The following CAB39 variants were observed in gnomAD, a reference collection of about 807,000 sequenced individuals.
CAB39 encodes calcium binding protein 39, also known as calcium-binding protein 39.
Under a neutral mutation model 40.0 loss-of-function variants are expected in CAB39, and 8 were observed. That is an observed-to-expected ratio of 0.20 (90% CI 0.12 to 0.36). The LOEUF is 0.36. CAB39 is among the 10% of genes least tolerant of loss of function. The pLI, the probability that CAB39 is intolerant of heterozygous loss-of-function variation, is 1.00. For missense variants in CAB39, 270 were observed against 401.1 expected (o/e 0.67, Z 2.79); for synonymous variants, 156 against 141.6 (o/e 1.10, Z -0.72).
At chr2:230,818,479 C>T (rs1696444151) in intron 8 of CAB39, 37 bp from the exon 9 acceptor site, 1 of 1,586,140 alleles carries the variant, frequency 6.3e-7, no homozygotes, top group African/African-American at 1.3e-5. Flanking sequence ...GCGTTTTGTC[C>T]TTTCTCTGTG....
Position 230,818,764 on chromosome 2 carries a change from C to T in CAB39, c.*60C>T. 1.5e-6 allele frequency: 2 copies of T among 1,302,140 alleles called. No individual in the cohort carries two copies. The highest frequency in any genetic ancestry group is 2.2e-6 in the Non-Finnish European group (2 of 914,060). The allele number at this position is 1,302,140 out of a possible 1,614,324, so 80.7% of individuals were successfully genotyped here. The stretch of plus-strand genomic sequence containing the variant: ...GCATTTGCTGTTAGCTATTCAGCAT[C>T]AGGCACTCTTATTGATTCATGAGGA... On this transcript the variant is annotated 3_prime_UTR_variant, in exon 9 of 9. Coordinates refer to ENST00000258418, the MANE Select transcript of CAB39 (RefSeq NM_016289.4).
chr2:230,810,156 G>T, intron 5 of CAB39, 107 bp from the exon 6 acceptor site: 1 of 586,542 alleles, frequency 1.7e-6, no homozygotes, highest in Non-Finnish European at 3.1e-6. Flanking sequence ...GTTAAGTATG[G>T]TGATTTTTAA....
chr2:230,813,924 C>G, intron 6 of CAB39, 125 bp from the exon 7 acceptor site: 1 of 549,362 alleles, frequency 1.8e-6, no homozygotes, highest in Non-Finnish European at 3.1e-6. Flanking sequence ...AGCTGTTGGC[C>G]TTCATGGTGT....
chr2:230,757,061 T>C (rs971998523), intron 1 of CAB39, among the ~76,000 whole-genome samples: 1 of 152,232 alleles, frequency 6.6e-6, no homozygotes, highest in Admixed American at 6.5e-5. Context: ...TGGATCCTAC[T>C]GAGGAATGTC....
At chr2:230,777,915 T>C (rs1041516339) in intron 2 of CAB39, among the ~76,000 whole-genome samples, 1 of 152,220 alleles carries the variant, frequency 6.6e-6, no homozygotes, top group African/African-American at 2.4e-5. Context: ...TCAGAGGCCT[T>C]GCACCTTTTA....
intron 3 of CAB39, among the ~76,000 whole-genome samples, 155 bp from the exon 4 acceptor site, chr2:230,793,058 A>C (rs1050740988): frequency 4.6e-5 from 7 of 152,264 alleles, no homozygotes; most frequent in Non-Finnish European, 7.3e-5. Flanking sequence ...TTGGAATTAC[A>C]AATGAAGAGA....
intron 6 of CAB39, among the ~76,000 whole-genome samples, chr2:230,811,962 A>C (rs950736621): frequency 2.6e-5 from 4 of 152,234 alleles, no homozygotes; most frequent in Non-Finnish European, 5.9e-5. Flanking sequence ...TGAGGCAACA[A>C]ATCTATAGAA....
intron 1 of CAB39, among the ~76,000 whole-genome samples, chr2:230,721,423 T>TC (rs1350251641): frequency 3.3e-5 from 5 of 152,120 alleles, no homozygotes; most frequent in African/African-American, 1.2e-4. Flanking sequence ...AGAGGGAAAC[T>TC]CCATCTCAAA....
chr2:230,810,801 G>C (rs993295668), intron 6 of CAB39, among the ~76,000 whole-genome samples: 13 of 152,212 alleles, frequency 8.5e-5, no homozygotes, highest in African/African-American at 3.1e-4. Flanking sequence ...TGGGGACTTA[G>C]AAGTCCGTCC....
chr2:230,802,305 A>G (rs1168471317), intron 5 of CAB39, among the ~76,000 whole-genome samples: 1 of 152,228 alleles, frequency 6.6e-6, no homozygotes. Flanking sequence ...CCCACAAGAG[A>G]AAGCAGGAAA....
chr2:230,803,950 A>G (rs1248916690), intron 5 of CAB39, among the ~76,000 whole-genome samples: 1 of 152,222 alleles, frequency 6.6e-6, no homozygotes, highest in Non-Finnish European at 1.5e-5. Flanking sequence ...AGACAATCGT[A>G]AGCACAAAGA....
At chr2:230,722,870 G>A (rs1462736772) in intron 1 of CAB39, among the ~76,000 whole-genome samples, 1 of 152,170 alleles carries the variant, frequency 6.6e-6, no homozygotes, top group African/African-American at 2.4e-5. Flanking sequence ...CTCTGAAATA[G>A]TAAGTTTTAA....
chr2:230,716,043 C>T (rs1694343919), intron 1 of CAB39, among the ~76,000 whole-genome samples: 1 of 152,150 alleles, frequency 6.6e-6, no homozygotes, highest in African/African-American at 2.4e-5. Context: ...CCTTCATTAG[C>T]ATTTTCTACT....
rs550307927 is a variant in CAB39 at position 230,727,791 on chromosome 2, C to T, written c.-44+14561C>T. 3.8e-4 allele frequency among the ~76,000 whole-genome samples: 58 copies of T among 151,938 alleles called. 1 individual carries two copies. Among genetic ancestry groups the T allele is most frequent in the African/African-American group, 1.2e-3 (50 of 41,408 alleles). ...AGCTAGGGGAAGGAGTGCTCCAGACCCAGTTAGCATAGAAATTATATACTC... is the reference window on the plus strand; with the variant it reads ...AGCTAGGGGAAGGAGTGCTCCAGACTCAGTTAGCATAGAAATTATATACTC... On this transcript the variant is annotated intron_variant, in intron 1 of 8. Coordinates refer to ENST00000258418, the MANE Select transcript of CAB39 (RefSeq NM_016289.4).
chr2:230,806,877 T>G (rs1696204893), intron 5 of CAB39, among the ~76,000 whole-genome samples: 1 of 152,180 alleles, frequency 6.6e-6, no homozygotes, highest in South Asian at 2.1e-4. Context: ...ATAAGCCCCC[T>G]GGGTTAGCAG....
chr2:230,790,229 C>T (rs931265833), intron 2 of CAB39, among the ~76,000 whole-genome samples: 2 of 149,182 alleles, frequency 1.3e-5, no homozygotes, highest in East Asian at 2.0e-4. Flanking sequence ...GGCGACAGCA[C>T]GAGACCCTGT....
intron 2 of CAB39, among the ~76,000 whole-genome samples, chr2:230,782,809 C>T (rs866817150): frequency 1.7e-4 from 19 of 112,442 alleles, no homozygotes; most frequent in African/African-American, 8.5e-4. Context: ...TTCTTTCTTT[C>T]TTTCTTTTTT....
intron 1 of CAB39, among the ~76,000 whole-genome samples, chr2:230,754,380 TCTTCCCCTCCTTCTTCCC>T (rs1695149269): frequency 1.5e-5 from 2 of 135,038 alleles, no homozygotes; most frequent in South Asian, 2.3e-4. Flanking sequence ...TCTGCCTTCC[TCTTCCCCTCCTTCTTCCC>T]CTTCCCCTCC....
intron 1 of CAB39, among the ~76,000 whole-genome samples, chr2:230,754,748 A>G (rs1242391123): frequency 6.6e-6 from 1 of 152,146 alleles, no homozygotes; most frequent in African/African-American, 2.4e-5. Flanking sequence ...CAAACTCCTG[A>G]TCTCAGGTGA....
Sources: allele counts gnomAD v4.1 joint callset (sites outside exome capture counted in the v4.1 genomes callset), GRCh38; gene constraint gnomAD v4.1.1; transcripts MANE v1.5; gene names NCBI Gene and HGNC (gene_info 2026-07-23, HGNC 2026-07-21).